Variants in SDC4 observed in about 807,000 individuals in gnomAD.
SDC4 encodes the protein syndecan-4.
Under a neutral mutation model 20.5 loss-of-function variants are expected in SDC4, and 17 were observed. That is an observed-to-expected ratio of 0.83 (90% CI 0.57 to 1.25). The LOEUF is 1.25. Among genes scored for constraint, SDC4 ranks in the 50% most tolerant of loss-of-function variants. The probability of loss-of-function intolerance (pLI) is 0.00; values close to 1 mark genes in which losing one functional copy is unlikely to be tolerated. For missense variants in SDC4, 241 were observed against 252.3 expected, an observed-to-expected ratio of 0.96 and a Z score of 0.30; for synonymous variants, 107 against 105.3, an observed-to-expected ratio of 1.02 and a Z score of -0.10.
intron 1 of SDC4, among the ~76,000 whole-genome samples, chr20:45,344,261 C>T (rs768366809): frequency 6.6e-5 from 10 of 151,654 alleles, no homozygotes; most frequent in East Asian, 2.0e-4. Context: ...TGTGAAAGTG[C>T]GGGACCTAGT....
chr20:45,338,134 CA>C (rs1213651414), intron 1 of SDC4, among the ~76,000 whole-genome samples: 2 of 152,194 alleles, frequency 1.3e-5, no homozygotes. Context: ...TAACCAAGCA[CA>C]CAGCCTGTCT....
chr20:45,339,026 G>A (rs1244856589), intron 1 of SDC4, among the ~76,000 whole-genome samples: 1 of 152,142 alleles, frequency 6.6e-6, no homozygotes. Flanking sequence ...CCCCCTCTCT[G>A]CCCTGTTTTG....
intron 1 of SDC4, among the ~76,000 whole-genome samples, chr20:45,337,508 G>A (rs753355638): frequency 2.4e-4 from 37 of 152,230 alleles, no homozygotes; most frequent in Non-Finnish European, 4.6e-4. Flanking sequence ...CACACAGAGC[G>A]TTCGCTACAT....
In SDC4 at chr20:45,348,325, C is replaced by A; in HGVS notation, c.60G>T (p.Ser20=). 1.3e-6 allele frequency: 2 copies of A among 1,584,366 alleles called. No individual in the cohort carries two copies. Among genetic ancestry groups the A allele is most frequent in the South Asian group, 1.2e-5 (1 of 86,832 alleles). The change falls in exon 1 of 5, where the codon TCG becomes TCT. Residue 20 remains serine (S), a splice_region_variant and synonymous_variant. Transcript: ENST00000372733. Reference sequence around the variant, plus strand: ...AGCCCGGGAACCTCCAAGCACCCACCGACTCGGCGACTCCGCCTACGAAGA... The same window carrying A: ...AGCCCGGGAACCTCCAAGCACCCACAGACTCGGCGACTCCGCCTACGAAGA... ...LLFFVGGVAE[S]IRETEVIDPQ...
intron 1 of SDC4, among the ~76,000 whole-genome samples, chr20:45,342,610 G>T (rs114723393): frequency 3.3e-5 from 5 of 152,186 alleles, no homozygotes; most frequent in African/African-American, 9.6e-5. Flanking sequence ...GTGAGATGCA[G>T]CCTGAAGGGG....
chr20:45,345,318 T>C (rs767176907), intron 1 of SDC4: 2 of 152,148 alleles, frequency 1.3e-5, no homozygotes, highest in Non-Finnish European at 2.9e-5. Context: ...GAATAGTAGG[T>C]ACTTAAGTTA....
intron 1 of SDC4, among the ~76,000 whole-genome samples, chr20:45,337,784 G>A (rs758765987): frequency 1.3e-5 from 2 of 152,200 alleles, no homozygotes; most frequent in Non-Finnish European, 2.9e-5. Context: ...CTGGATTCCC[G>A]GAAGGGAGCG....
At chr20:45,330,228 T>G in intron 4 of SDC4, 138 bp downstream of exon 4, 1 of 751,832 alleles carries the variant, frequency 1.3e-6, no homozygotes, top group Non-Finnish European at 2.3e-6. Flanking sequence ...TCTTTCAATG[T>G]TCTAGGGCAA....
intron 2 of SDC4, among the ~76,000 whole-genome samples, chr20:45,334,230 C>T (rs1192216583): frequency 6.6e-6 from 1 of 152,046 alleles, no homozygotes; most frequent in Non-Finnish European, 1.5e-5. Context: ...ATCTCTTGAC[C>T]TTGTGATCCG....
At chr20:45,330,948 C>T (rs778329421) in intron 3 of SDC4, among the ~76,000 whole-genome samples, 59 of 152,178 alleles carry the variant, frequency 3.9e-4, no homozygotes, top group Non-Finnish European at 6.3e-4. Flanking sequence ...TCAGAGACTA[C>T]GTGTAAAAGA....
chr20:45,341,535 C>G (rs1474345886), intron 1 of SDC4, among the ~76,000 whole-genome samples: 2 of 152,132 alleles, frequency 1.3e-5, no homozygotes, highest in East Asian at 3.9e-4. Flanking sequence ...ACTTGGGGAC[C>G]TGGGTCCCCA....
At chr20:45,348,047 C>A (rs1988058726) in intron 1 of SDC4, among the ~76,000 whole-genome samples, 1 of 152,194 alleles carries the variant, frequency 6.6e-6, no homozygotes, top group Admixed American at 6.5e-5. Flanking sequence ...AGAGTTGACA[C>A]CGGCTTAGTC....
rs778529254 is a variant in SDC4 at position 45,333,023 on chromosome 20, C to A, written c.246G>T (p.Leu82Phe). 1.9e-6 allele frequency: 3 copies of A among 1,614,112 alleles called. No individual in the cohort carries two copies. The highest frequency in any genetic ancestry group is 2.2e-5 in the South Asian group (2 of 91,084). ...GAGGCAGAAGCATGTAGCTACTTAC[C>A]AAGGGATGGACAACTTCAGGGCCGA... Reference protein sequence around the residue: ...SMIGPEVVHPLVPLDNHIPER... With the variant: ...SMIGPEVVHPFVPLDNHIPER... Residue 82 changes from leucine to phenylalanine, a missense_variant and splice_region_variant, in exon 3 of 5, where the codon TTG (leucine) becomes TTT (phenylalanine). Transcript: ENST00000372733.
intron 1 of SDC4, among the ~76,000 whole-genome samples, chr20:45,340,062 G>C (rs551398461): frequency 2.0e-4 from 30 of 152,270 alleles, no homozygotes; most frequent in African/African-American, 7.0e-4. Flanking sequence ...CCCCTTCCAG[G>C]GTGTTGGCTG....
At chr20:45,338,044 C>T (rs1162966657) in intron 1 of SDC4, among the ~76,000 whole-genome samples, 1 of 152,198 alleles carries the variant, frequency 6.6e-6, no homozygotes, top group East Asian at 1.9e-4. Context: ...TGCCCAAGTG[C>T]CTATACCTAA....
chr20:45,334,621 TG>T (rs1278192364), intron 2 of SDC4, among the ~76,000 whole-genome samples: 1 of 152,018 alleles, frequency 6.6e-6, no homozygotes, highest in Admixed American at 6.6e-5. Context: ...CCCAAGTAGC[TG>T]GGATTACAGG....
chr20:45,330,958 A>T (rs557438806), intron 3 of SDC4, among the ~76,000 whole-genome samples: 1 of 152,326 alleles, frequency 6.6e-6, no homozygotes, highest in South Asian at 2.1e-4. Context: ...CGTGTAAAAG[A>T]TGCTTGCTGC....
At position 45,327,377 on chromosome 20, in the gene SDC4, C is replaced by T. The variant is rs202142981; in HGVS notation, c.484G>A (p.Val162Ile). The stretch of plus-strand genomic sequence containing the variant: ...TACATGAGCAGTAGGATCAGGAAGA[C>T]GGCAAAGAGGATGCCCACGATGCCA... ...VGGIVGILFA[V>I]FLILLLMYRM... The change falls in exon 5 of 5, where the codon GTC (valine) becomes ATC (isoleucine). Residue 162 changes from valine (V) to isoleucine (I), a missense_variant. By Grantham distance (29) the Val-to-Ile change is conservative (BLOSUM62 3). Transcript: ENST00000372733. 181 of 1,613,888 alleles carry T rather than the reference C, an allele frequency of 1.1e-4. No homozygotes were observed. The highest frequency in any genetic ancestry group is 6.6e-4 in the Middle Eastern group (4 of 6,050).
Position 45,333,046 on chromosome 20 carries a change from C to T in SDC4, c.223G>A (p.Gly75Ser), listed in dbSNP as rs780031850. ...DLDDLEDSMI[G>S]PEVVHPLVPL... is the part of the protein sequence containing the mutation. Reference sequence around the variant, plus strand: ...ACCAAGGGATGGACAACTTCAGGGCCGATCATGGAGTCTTCCAAGTCATCT... The same window carrying T: ...ACCAAGGGATGGACAACTTCAGGGCTGATCATGGAGTCTTCCAAGTCATCT... Residue 75 changes from glycine to serine, a missense_variant, in exon 3 of 5, where the codon GGC (glycine) becomes AGC (serine). Physicochemically the swap from Gly to Ser is moderately conservative, Grantham distance 56. Coordinates refer to ENST00000372733, the MANE Select transcript of SDC4 (RefSeq NM_002999.4). The T allele has an allele frequency of 5.0e-6, 8 of 1,614,008 alleles. No individual in the cohort carries two copies. Among genetic ancestry groups the T allele is most frequent in the Admixed American group, 3.3e-5 (2 of 60,002 alleles).
Sources: gnomAD v4.1 joint callset for allele counts (sites outside exome capture counted in the v4.1 genomes callset) on GRCh38, gnomAD v4.1.1 for gene constraint, MANE v1.5 for transcripts, NCBI Gene and HGNC (gene_info 2026-07-23, HGNC 2026-07-21) for gene names.